RNF150: variants seen among roughly 807,000 people sequenced by gnomAD.
RNF150 encodes the protein ring finger protein 150.
A neutral mutation model predicts 39.3 loss-of-function variants in RNF150; 24 were observed. The observed-to-expected ratio is 0.61, with a 90% CI of 0.44 to 0.86. The LOEUF (loss-of-function observed/expected upper bound fraction) is 0.86. Ranked by LOEUF, RNF150 falls within the 40% of genes least tolerant of loss-of-function variation. The probability of loss-of-function intolerance (pLI) is 0.00; values close to 1 mark genes in which losing one functional copy is unlikely to be tolerated. For missense variants in RNF150, 502 were observed against 587.8 expected, an observed-to-expected ratio of 0.85 and a Z score of 1.51; for synonymous variants, 255 against 227.3, an observed-to-expected ratio of 1.12 and a Z score of -1.10.
intron 1 of RNF150, among the ~76,000 whole-genome samples, chr4:141,167,477 A>G (rs937187165): frequency 6.6e-6 from 1 of 151,550 alleles, no homozygotes; most frequent in Non-Finnish European, 1.5e-5. Flanking sequence ...AAAGGAGCCC[A>G]TATAGCCAAG....
chr4:140,917,659 A>G (rs1242649653), intron 5 of RNF150, among the ~76,000 whole-genome samples: 1 of 152,166 alleles, frequency 6.6e-6, no homozygotes, highest in Admixed American at 6.6e-5. Flanking sequence ...AGGATACCCA[A>G]GAATTGAACT....
At chr4:141,045,754 G>T (rs950100392) in intron 1 of RNF150, among the ~76,000 whole-genome samples, 1 of 152,018 alleles carries the variant, frequency 6.6e-6, no homozygotes. Flanking sequence ...ATGTTGGCCA[G>T]GCTGGTCTTG....
At chr4:141,190,370 A>C (rs1316108188) in intron 1 of RNF150, among the ~76,000 whole-genome samples, 1 of 152,098 alleles carries the variant, frequency 6.6e-6, no homozygotes, top group Non-Finnish European at 1.5e-5. Flanking sequence ...TAAGAGAGAG[A>C]GTCTTCTCCT....
chr4:140,881,362 C>G (rs1253933740), intron 6 of RNF150, among the ~76,000 whole-genome samples: 1 of 152,034 alleles, frequency 6.6e-6, no homozygotes, highest in Non-Finnish European at 1.5e-5. Flanking sequence ...TGAGGTTTCA[C>G]CATTTTGCCC....
intron 2 of RNF150, among the ~76,000 whole-genome samples, chr4:140,961,584 T>C (rs377215242): frequency 1.1e-4 from 16 of 152,172 alleles, no homozygotes; most frequent in African/African-American, 2.7e-4. Context: ...TGTACAGCTA[T>C]AACTTTCTGT....
intron 1 of RNF150, among the ~76,000 whole-genome samples, chr4:141,150,416 G>A (rs1427473867): frequency 2.0e-5 from 3 of 152,168 alleles, no homozygotes; most frequent in Non-Finnish European, 2.9e-5. Flanking sequence ...TTCCACCCAC[G>A]GGTGTGAGCC....
At chr4:141,091,384 A>G (rs1396818717) in intron 1 of RNF150, among the ~76,000 whole-genome samples, 1 of 152,242 alleles carries the variant, frequency 6.6e-6, no homozygotes, top group East Asian at 1.9e-4. Flanking sequence ...CGTTAAAAAA[A>G]ATCAAATGAC....
chr4:140,878,983 C>T (rs1481567394), intron 6 of RNF150, among the ~76,000 whole-genome samples: 1 of 152,208 alleles, frequency 6.6e-6, no homozygotes, highest in Admixed American at 6.5e-5. Context: ...TGTGGACCTC[C>T]ACTTTTCTCC....
At chr4:141,122,607 A>G (rs1037399013) in intron 1 of RNF150, among the ~76,000 whole-genome samples, 1 of 152,228 alleles carries the variant, frequency 6.6e-6, no homozygotes, top group African/African-American at 2.4e-5. Context: ...ATGTTTAGCT[A>G]TATGTGAATG....
chr4:140,885,431 A>G (rs1357911360), intron 6 of RNF150, among the ~76,000 whole-genome samples: 2 of 134,572 alleles, frequency 1.5e-5, no homozygotes, highest in African/African-American at 5.9e-5. Context: ...ATATGTACAT[A>G]TATCTTTTTT....
intron 1 of RNF150, among the ~76,000 whole-genome samples, chr4:141,187,017 T>G (rs1728024805): frequency 6.6e-6 from 1 of 152,232 alleles, no homozygotes; most frequent in Non-Finnish European, 1.5e-5. Context: ...CTGGAAACAC[T>G]GCTTTAGCTG....
intron 1 of RNF150, among the ~76,000 whole-genome samples, chr4:140,993,475 A>G (rs1734263460): frequency 6.6e-6 from 1 of 152,206 alleles, no homozygotes. Context: ...GGTTCTGGAC[A>G]TTTTTGGCAG....
intron 6 of RNF150, among the ~76,000 whole-genome samples, chr4:140,875,032 A>AT (rs1187259886): frequency 6.6e-6 from 1 of 152,098 alleles, no homozygotes; most frequent in Non-Finnish European, 1.5e-5. Context: ...TACTATTTCC[A>AT]TTTTCAGGTA....
At position 140,935,006 on chromosome 4, in the gene RNF150, T is replaced by A. The variant is rs3033121; in HGVS notation, c.891-8933A>T. ...AAGTGTTATAATATATATATATATA[T>A]AAATATATATATATTATATATTTAT... is the stretch of plus-strand genomic sequence containing the variant. On this transcript the variant is annotated intron_variant, in intron 4 of 6. Coordinates refer to ENST00000515673, the MANE Select transcript of RNF150 (RefSeq NM_020724.2). Among the ~76,000 whole-genome samples the A allele has an allele frequency of 1.1e-3, 92 of 80,412 alleles. 1 individual carries two copies. Among genetic ancestry groups the A allele is most frequent in the East Asian group, 4.2e-3 (13 of 3,076 alleles). The allele number at this position is 80,412 out of a possible 152,430, so 52.8% of individuals were successfully genotyped here. A position where few individuals can be genotyped will look rare whatever the true frequency, so the allele number is the denominator to read the frequency against.
intron 6 of RNF150, among the ~76,000 whole-genome samples, chr4:140,892,918 A>G (rs576123312): frequency 2.5e-4 from 38 of 152,050 alleles, no homozygotes; most frequent in African/African-American, 8.4e-4. Context: ...AAGCTAAAAG[A>G]TTAGCTGAGT....
intron 1 of RNF150, among the ~76,000 whole-genome samples, chr4:141,024,601 C>T (rs1283384845): frequency 1.3e-5 from 2 of 152,000 alleles, no homozygotes; most frequent in African/African-American, 2.4e-5. Context: ...AAGCTATCAA[C>T]CTAAATAATC....
intron 1 of RNF150, among the ~76,000 whole-genome samples, chr4:141,084,185 C>G (rs571006740): frequency 1.3e-5 from 2 of 152,192 alleles, no homozygotes; most frequent in South Asian, 2.1e-4. Flanking sequence ...TAGCAGATAA[C>G]CGTTTCCACG....
intron 4 of RNF150, among the ~76,000 whole-genome samples, chr4:140,944,267 C>T (rs138547043): frequency 1.3e-3 from 202 of 152,182 alleles, no homozygotes; most frequent in African/African-American, 4.2e-3. Flanking sequence ...TTTTGGCATA[C>T]GTATGAGGTA....
At chr4:140,925,885 A>T (rs1387717695) in intron 5 of RNF150, 92 bp downstream of exon 5, 1 of 853,846 alleles carries the variant, frequency 1.2e-6, no homozygotes, top group Non-Finnish European at 2.0e-6. Flanking sequence ...GACTGAGGGG[A>T]CACAGAACAT....
Sources: gnomAD v4.1 joint callset for allele counts (sites outside exome capture counted in the v4.1 genomes callset) on GRCh38, gnomAD v4.1.1 for gene constraint, MANE v1.5 for transcripts, NCBI Gene and HGNC (gene_info 2026-07-23, HGNC 2026-07-21) for gene names.